Variants in DDX5 observed in about 807,000 individuals in gnomAD.
DDX5 encodes DEAD-box helicase 5.
DDX5 carries 6 observed loss-of-function variants against 68.6 expected under a neutral mutation model. The ratio of observed to expected loss-of-function variants is 0.09; its 90% CI spans 0.05 to 0.17. The LOEUF is 0.17. DDX5 is among the 10% of genes least tolerant of loss of function. DDX5 has a pLI of 1.00. For synonymous variants in DDX5, 350 were observed against 247.0 expected (o/e 1.42, Z -3.91); for missense variants, 499 against 756.1 (o/e 0.66, Z 3.99).
chr17:64,505,841 G>C (rs1370017075), intron 1 of DDX5: 4 of 1,536,022 alleles, frequency 2.6e-6, no homozygotes, highest in African/African-American at 1.4e-5. Flanking sequence ...AATGGCAGCC[G>C]CCCCGACAGC....
chr17:64,502,073 C>T lies in DDX5; in HGVS notation c.1157-4G>A, dbSNP rs1468410888. The T allele has an allele frequency of 1.2e-6, 2 of 1,613,964 alleles. No individual in the cohort carries two copies. Among genetic ancestry groups the T allele is most frequent in the African/African-American group, 1.3e-5 (1 of 74,890 alleles). ...GGAGCTTTTCCATGTTTGAATTCTACAAAGGAAGGCATATACATGATCAAT... is the reference window on the plus strand; with the variant it reads ...GGAGCTTTTCCATGTTTGAATTCTATAAAGGAAGGCATATACATGATCAAT... On this transcript the variant is annotated splice_polypyrimidine_tract_variant and splice_region_variant and intron_variant, in intron 10 of 12. Coordinates refer to ENST00000225792, the MANE Select transcript of DDX5 (RefSeq NM_004396.5).
intron 1 of DDX5, 56 bp downstream of exon 1, chr17:64,506,020 A>AGGGCCCCCCCCCC: frequency 3.5e-6 from 3 of 868,062 alleles, no homozygotes; most frequent in Non-Finnish European, 5.1e-6. Flanking sequence ...CGCCACCCTG[A>AGGGCCCCCCCCCC]CCCGCCCTCC....
At chr17:64,501,840 C>T in intron 11 of DDX5, 170 bp downstream of exon 11, 1 of 642,280 alleles carries the variant, frequency 1.6e-6, no homozygotes, top group Non-Finnish European at 2.7e-6. Context: ...AGTCCTCCAT[C>T]CCCCTCGAGT....
chr17:64,498,506 A>G lies in DDX5; in HGVS notation c.*1417T>C, dbSNP rs1568096638. On this transcript the variant is annotated 3_prime_UTR_variant, in exon 13 of 13. Transcript: ENST00000225792. ...AAGTTTAAAACCATGAATTTGACTA[A>G]CCATGCCATTGAAAACCATCCAGGT... Among the ~76,000 whole-genome samples the G allele has an allele frequency of 6.6e-6, 1 of 152,232 alleles. No individual in the cohort carries two copies. The highest frequency in any genetic ancestry group is 1.9e-4 in the East Asian group (1 of 5,200).
In DDX5 at chr17:64,500,600, T is replaced by G; in HGVS notation, c.1390A>C (p.Asn464His). ...SDLISVLREA[N>H]QAINPKLLQL... Reference sequence around the variant, plus strand: ...AGCAACTTGGGATTAATTGCTTGATTAGCTTCACGAAGCACAGAGATAAGG... The same window carrying G: ...AGCAACTTGGGATTAATTGCTTGATGAGCTTCACGAAGCACAGAGATAAGG... Residue 464 changes from asparagine (N) to histidine (H), a missense_variant, in exon 12 of 13, where the codon AAT becomes CAT. This residue lies in a region of DDX5 where 21 missense variants were observed against 37.6 expected (regional missense o/e 0.56). Coordinates refer to ENST00000225792, the MANE Select transcript of DDX5 (RefSeq NM_004396.5). 1 of 1,614,222 alleles carries G rather than the reference T, an allele frequency of 6.2e-7. No individual in the cohort carries two copies. Among genetic ancestry groups the G allele is most frequent in the East Asian group, 2.2e-5 (1 of 44,886 alleles).
At chr17:64,502,873 A>G (rs1463689729) in intron 8 of DDX5, 53 bp downstream of exon 8, 1 of 1,501,332 alleles carries the variant, frequency 6.7e-7, no homozygotes, top group Non-Finnish European at 8.9e-7. Flanking sequence ...TGATCCCTCA[A>G]TTTTACAGCA....
rs1372653949 is a variant in DDX5, at chr17:64,499,592, TATAAA to T, written c.*326_*330del. 7.8e-6 allele frequency: 2 copies of T among 256,090 alleles called. No individual in the cohort carries two copies. The highest frequency in any genetic ancestry group is 5.9e-5 in the East Asian group (1 of 16,918). The allele number at this position is 256,090 out of a possible 1,614,324, so 15.9% of individuals were successfully genotyped here. A position where few individuals can be genotyped will look rare whatever the true frequency, so the allele number is the denominator to read the frequency against. On this transcript the variant is annotated 3_prime_UTR_variant, in exon 13 of 13. Transcript: ENST00000225792. Reference sequence around the variant, plus strand: ...TTAAGCAAAGTTTTACATGACATTATATAAAATAAAGTACAATTTCCACTTAATTC... The same window carrying T: ...TTAAGCAAAGTTTTACATGACATTATATAAAGTACAATTTCCACTTAATTC...
chr17:64,503,612 T>C (rs782623737), intron 5 of DDX5, 41 bp from the exon 6 acceptor site: 4 of 1,608,670 alleles, frequency 2.5e-6, no homozygotes, highest in Non-Finnish European at 3.4e-6. Flanking sequence ...ACCTGGATAC[T>C]AGTTTTAAAC....
chr17:64,503,712 A>G, intron 5 of DDX5, 91 bp downstream of exon 5: 3 of 1,540,950 alleles, frequency 1.9e-6, no homozygotes, highest in Admixed American at 1.9e-5. Context: ...TAACCTCTAT[A>G]TAAAACCACC....
chr17:64,505,212 C>T (rs1209799033), intron 1 of DDX5: 5 of 260,418 alleles, frequency 1.9e-5, no homozygotes, highest in Non-Finnish European at 3.7e-5. Context: ...AACAAGGCTA[C>T]ATGAACCGAA....
At chr17:64,506,019 G>GGGGCCCCCCCCCC in intron 1 of DDX5, 57 bp downstream of exon 1, 1 of 1,360,444 alleles carries the variant, frequency 7.4e-7, no homozygotes, top group Non-Finnish European at 1.0e-6. Context: ...CCGCCACCCT[G>GGGGCCCCCCCCCC]ACCCGCCCTC....
At chr17:64,506,402 ACG>A (rs1555672764), upstream of DDX5, 11 of 1,392,746 alleles carry the variant, frequency 7.9e-6, no homozygotes, top group Non-Finnish European at 1.0e-5. Flanking sequence ...ATAGGCCGCA[ACG>A]CCCGCTGGCG....
At chr17:64,502,403 T>C in intron 9 of DDX5, 36 bp downstream of exon 9, 1 of 1,532,176 alleles carries the variant, frequency 6.5e-7, no homozygotes, top group Non-Finnish European at 9.0e-7. Flanking sequence ...TAAGCTGTTT[T>C]AATCAATCTG....
rs2038382374 is a variant in DDX5 at position 64,504,701 on chromosome 17, G to C, written c.186C>G (p.His62Gln). The change falls in exon 2 of 13, where the codon CAC (histidine) becomes CAG (glutamine). Residue 62 changes from histidine to glutamine, a missense_variant. His to Gln is a conservative substitution (Grantham distance 24). Coordinates refer to ENST00000225792, the MANE Select transcript of DDX5 (RefSeq NM_004396.5). ...CTGCTGTGCGCCTAGCCAAATCAGGGTGCTCTTGATAAAAATTCTTCTCAA... is the reference window on the plus strand; with the variant it reads ...CTGCTGTGCGCCTAGCCAAATCAGGCTGCTCTTGATAAAAATTCTTCTCAA... ...PKFEKNFYQE[H>Q]PDLARRTAQE... 6.2e-7 allele frequency: 1 copy of C among 1,613,558 alleles called. No individual in the cohort carries two copies. The highest frequency in any genetic ancestry group is 2.2e-5 in the East Asian group (1 of 44,880).
Position 64,506,256 on chromosome 17 carries a change from T to A in DDX5, c.-137A>T. The stretch of plus-strand genomic sequence containing the variant: ...GGACACCGATGACACCAGCCGAAGC[T>A]GCACTACTAGAGACCGGTAGAAATG... On this transcript the variant is annotated 5_prime_UTR_variant, in exon 1 of 13. Coordinates refer to ENST00000225792, the MANE Select transcript of DDX5 (RefSeq NM_004396.5). The A allele has an allele frequency of 6.5e-7, 1 of 1,546,652 alleles. No individual in the cohort carries two copies. The highest frequency in any genetic ancestry group is 8.7e-7 in the Non-Finnish European group (1 of 1,146,732).
At chr17:64,501,965 G>A (rs369153483) in intron 11 of DDX5, 45 bp downstream of exon 11, 5 of 1,579,526 alleles carry the variant, frequency 3.2e-6, no homozygotes, top group Non-Finnish European at 4.3e-6. Flanking sequence ...AAGTTAAATG[G>A]AGATCTTCTG....
Position 64,499,871 on chromosome 17 carries a change from C to T in DDX5, c.*52G>A, listed in dbSNP as rs999954235. The stretch of plus-strand genomic sequence containing the variant: ...AATAACTATCTTGTCAGATAACACA[C>T]AATATAAAGAGCAATTATGAAAAAC... On this transcript the variant is annotated 3_prime_UTR_variant, in exon 13 of 13. Transcript: ENST00000225792. The T allele has an allele frequency of 4.1e-5, 61 of 1,473,262 alleles. No homozygotes were observed. The highest frequency in any genetic ancestry group is 5.4e-5 in the Non-Finnish European group (59 of 1,102,076). 91.3% of individuals were successfully genotyped at this position (1,473,262 alleles called of 1,614,324 possible). A position where few individuals can be genotyped will look rare whatever the true frequency, so the allele number is the denominator to read the frequency against.
chr17:64,505,768 C>T (rs2038472736), intron 1 of DDX5: 2 of 1,536,070 alleles, frequency 1.3e-6, no homozygotes, highest in Non-Finnish European at 8.7e-7. Flanking sequence ...CCTTCGTCTG[C>T]CTCGAAGCGT....
At position 64,498,697 on chromosome 17, in the gene DDX5, G is replaced by A. The variant is rs1422463529; in HGVS notation, c.*1226C>T. ...GAAGTCTCCTGAAGACCTCTCTTCT[G>A]GCAAAAAAAAACACGTATCAGACTC... On this transcript the variant is annotated 3_prime_UTR_variant, in exon 13 of 13. Transcript: ENST00000225792. 2.7e-5 allele frequency among the ~76,000 whole-genome samples: 4 copies of A among 150,546 alleles called. No individual in the cohort carries two copies. Among genetic ancestry groups the A allele is most frequent in the African/African-American group, 9.9e-5 (4 of 40,430 alleles).
Sources: allele counts gnomAD v4.1 joint callset (sites outside exome capture counted in the v4.1 genomes callset), GRCh38; gene constraint gnomAD v4.1.1; regional missense constraint gnomAD v4.1.1; transcripts MANE v1.5; gene names NCBI Gene and HGNC (gene_info 2026-07-23, HGNC 2026-07-21).